Variants in OLA1 observed in about 807,000 individuals in gnomAD.
The protein encoded by OLA1 is Obg like ATPase 1.
A neutral mutation model predicts 48.4 loss-of-function variants in OLA1; 14 were observed. The ratio of observed to expected loss-of-function variants is 0.29; its 90% CI spans 0.19 to 0.45. OLA1 has a LOEUF of 0.45. Among genes scored for constraint, OLA1 ranks in the 20% least tolerant of loss-of-function variants. The pLI is 1.00. For missense variants in OLA1, 325 were observed against 467.1 expected (o/e 0.70, Z 2.80); for synonymous variants, 127 against 150.4 (o/e 0.84, Z 1.14).
At chr2:174,129,461 A>C (rs1488092873) in intron 5 of OLA1, among the ~76,000 whole-genome samples, 1 of 63,184 alleles carries the variant, frequency 1.6e-5, no homozygotes, top group African/African-American at 3.5e-5. Flanking sequence ...CCGTCTCAAT[A>C]AATAAATAAA....
At chr2:174,187,549 T>C (rs1374308182) in intron 4 of OLA1, among the ~76,000 whole-genome samples, 2 of 152,210 alleles carry the variant, frequency 1.3e-5, no homozygotes, top group Non-Finnish European at 2.9e-5. Context: ...CAGCTCATGC[T>C]CACTGTAGGG....
intron 4 of OLA1, among the ~76,000 whole-genome samples, chr2:174,146,424 G>A (rs1252146591): frequency 2.6e-5 from 4 of 152,220 alleles, no homozygotes; most frequent in African/African-American, 9.6e-5. Context: ...AACCAGATAA[G>A]TGGTACTCAA....
rs999453806 is a variant in OLA1 at position 174,081,325 on chromosome 2, A to G, written c.870-77T>C. The G allele has an allele frequency of 4.9e-6, 5 of 1,023,354 alleles. No homozygotes were observed. The Admixed American group carries it at 9.5e-5, about 19-fold the overall frequency. 63.4% of individuals were successfully genotyped at this position (1,023,354 alleles called of 1,614,324 possible). On this transcript the variant is annotated intron_variant, in intron 8 of 10. Coordinates refer to ENST00000284719, the MANE Select transcript of OLA1 (RefSeq NM_013341.5). ...AATTGGTATAGAGCTAAAATTATTC[A>G]TTTCAAGCAGAAAATGTTAAAGATA...
chr2:174,141,839 G>T lies in OLA1; in HGVS notation c.535C>A (p.Leu179Ile). Reference sequence around the variant, plus strand: ...TTTTTACTTACATATTCAGGTTTTAGTTTTTTATCTCCTCCTCTCACAGCC... The same window carrying T: ...TTTTTACTTACATATTCAGGTTTTATTTTTTTATCTCCTCCTCTCACAGCC... ...KVAVRGGDKK[L>I]KPEYDIMCKV... Residue 179 changes from leucine to isoleucine, a missense_variant, in exon 5 of 11, where the codon CTA (leucine) becomes ATA (isoleucine). Transcript: ENST00000284719. 6.2e-7 allele frequency: 1 copy of T among 1,600,182 alleles called. No homozygotes were observed. Among genetic ancestry groups the T allele is most frequent in the Admixed American group, 1.8e-5 (1 of 56,520 alleles).
chr2:174,128,961 C>T (rs1156403448), intron 5 of OLA1, among the ~76,000 whole-genome samples: 1 of 151,996 alleles, frequency 6.6e-6, no homozygotes, highest in African/African-American at 2.4e-5. Flanking sequence ...TGGATTTTGG[C>T]CATATTCCTC....
chr2:174,198,593 C>G (rs529067660), intron 4 of OLA1, among the ~76,000 whole-genome samples: 4 of 152,066 alleles, frequency 2.6e-5, no homozygotes, highest in African/African-American at 9.6e-5. Context: ...CCAGCCTGGC[C>G]AAGATGGCAA....
intron 7 of OLA1, among the ~76,000 whole-genome samples, chr2:174,088,577 CTTTTA>C (rs1300794363): frequency 7.9e-5 from 12 of 152,140 alleles, no homozygotes; most frequent in African/African-American, 2.9e-4. Flanking sequence ...CACATCTTTA[CTTTTA>C]TTTTACTTCT....
intron 5 of OLA1, among the ~76,000 whole-genome samples, chr2:174,125,081 T>G (rs1305057466): frequency 1.3e-5 from 2 of 152,190 alleles, no homozygotes; most frequent in Non-Finnish European, 2.9e-5. Context: ...AAGGAGAAGA[T>G]CAAAGTGCTA....
At chr2:174,097,465 T>A (rs1193489164) in intron 7 of OLA1, among the ~76,000 whole-genome samples, 1 of 152,158 alleles carries the variant, frequency 6.6e-6, no homozygotes, top group Non-Finnish European at 1.5e-5. Flanking sequence ...AGGAAAGGTT[T>A]TTGTTCATAA....
At chr2:174,195,092 T>C (rs1369519131) in intron 4 of OLA1, among the ~76,000 whole-genome samples, 1 of 152,198 alleles carries the variant, frequency 6.6e-6, no homozygotes. Context: ...TATGTCCTGT[T>C]GTAATAACAT....
chr2:174,141,798 C>A, intron 5 of OLA1, 27 bp downstream of exon 5: 1 of 1,539,548 alleles, frequency 6.5e-7, no homozygotes, highest in Non-Finnish European at 8.8e-7. Context: ...TCTTGAGTAT[C>A]TAAAGAAGCT....
chr2:174,215,033 G>C (rs979398632), intron 4 of OLA1, among the ~76,000 whole-genome samples: 1 of 150,312 alleles, frequency 6.7e-6, no homozygotes, highest in Non-Finnish European at 1.5e-5. Flanking sequence ...CTGGGCGACA[G>C]AGTGAGACTA....
At chr2:174,156,483 T>C (rs772430199) in intron 4 of OLA1, among the ~76,000 whole-genome samples, 6 of 151,842 alleles carry the variant, frequency 4.0e-5, no homozygotes, top group Non-Finnish European at 7.4e-5. Context: ...AGCTGAGGAG[T>C]TGAAATTTAA....
chr2:174,245,529 C>T (rs768931721), intron 2 of OLA1, among the ~76,000 whole-genome samples: 1 of 152,170 alleles, frequency 6.6e-6, no homozygotes. Context: ...GAATCTGCTA[C>T]CTATTAGTAC....
chr2:174,086,059 TC>T (rs66960581), intron 7 of OLA1, among the ~76,000 whole-genome samples: 14,918 of 152,126 alleles, frequency 0.098, 1,006 homozygotes, highest in African/African-American at 0.18. Flanking sequence ...TTGAGATGTA[TC>T]TATGGGGTAG....
chr2:174,164,285 T>A (rs1225337630), intron 4 of OLA1, among the ~76,000 whole-genome samples: 1 of 123,860 alleles, frequency 8.1e-6, no homozygotes, highest in Non-Finnish European at 1.6e-5. Context: ...AAGTTTCAAT[T>A]TATCCTATGC....
intron 4 of OLA1, among the ~76,000 whole-genome samples, chr2:174,198,927 T>C (rs1687934567): frequency 6.6e-6 from 1 of 152,178 alleles, no homozygotes; most frequent in Admixed American, 6.5e-5. Flanking sequence ...TATCTTAGCA[T>C]GAATCAAGGT....
intron 5 of OLA1, 56 bp downstream of exon 5, chr2:174,141,769 T>A (rs13000131): frequency 7.3e-7 from 1 of 1,366,540 alleles, no homozygotes; most frequent in African/African-American, 1.5e-5. Flanking sequence ...TTTAAAAAAT[T>A]TAATCAAGAA....
At chr2:174,182,773 A>T (rs1275119346) in intron 4 of OLA1, among the ~76,000 whole-genome samples, 2 of 152,166 alleles carry the variant, frequency 1.3e-5, no homozygotes, top group Non-Finnish European at 2.9e-5. Flanking sequence ...AGGTCTCTCC[A>T]GGTTAGGGCT....
Sources: gnomAD v4.1 joint callset for allele counts (sites outside exome capture counted in the v4.1 genomes callset) on GRCh38, gnomAD v4.1.1 for gene constraint, MANE v1.5 for transcripts, NCBI Gene and HGNC (gene_info 2026-07-23, HGNC 2026-07-21) for gene names.